The following TTLL7 variants were observed in gnomAD, a reference collection of about 807,000 sequenced individuals.
TTLL7 encodes tubulin tyrosine ligase like 7.
Under a neutral mutation model 120.2 loss-of-function variants are expected in TTLL7, and 53 were observed. The observed-to-expected ratio is 0.44, with a 90% CI of 0.35 to 0.55. The LOEUF (loss-of-function observed/expected upper bound fraction) is 0.55. Ranked by LOEUF, TTLL7 falls within the 20% of genes least tolerant of loss-of-function variation. The pLI, the probability that TTLL7 is intolerant of heterozygous loss-of-function variation, is 0.00. For missense variants in TTLL7, 803 were observed against 1,054.7 expected, an observed-to-expected ratio of 0.76 and a Z score of 3.31; for synonymous variants, 353 against 351.7, an observed-to-expected ratio of 1.00 and a Z score of -0.04.
chr1:83,881,760 A>G (rs1250316426), intron 20 of TTLL7, among the ~76,000 whole-genome samples: 1 of 151,252 alleles, frequency 6.6e-6, no homozygotes, highest in East Asian at 1.9e-4. Flanking sequence ...AGGACTATAA[A>G]TCATGCTGCT....
chr1:83,871,412 T>C (rs1478961613), intron 20 of TTLL7, among the ~76,000 whole-genome samples: 1 of 152,084 alleles, frequency 6.6e-6, no homozygotes, highest in Non-Finnish European at 1.5e-5. Context: ...CATAAACAAA[T>C]GCAAACAACA....
At chr1:83,963,310 C>T (rs1650171293) in intron 1 of TTLL7, among the ~76,000 whole-genome samples, 1 of 152,062 alleles carries the variant, frequency 6.6e-6, no homozygotes, top group African/African-American at 2.4e-5. Flanking sequence ...TGGAAGAAGA[C>T]AGGTTCTTTT....
intron 1 of TTLL7, among the ~76,000 whole-genome samples, chr1:83,995,797 C>T (rs768538175): frequency 3.3e-5 from 5 of 151,988 alleles, no homozygotes; most frequent in African/African-American, 4.8e-5. Flanking sequence ...AAAAAGCATA[C>T]GCACAAAGAT....
chr1:83,894,186 G>A (rs1179661119), intron 18 of TTLL7, among the ~76,000 whole-genome samples: 3 of 151,640 alleles, frequency 2.0e-5, no homozygotes, highest in Non-Finnish European at 4.4e-5. Flanking sequence ...CAATATATTA[G>A]TAAGTAATAA....
intron 1 of TTLL7, among the ~76,000 whole-genome samples, chr1:83,977,798 A>C (rs1651626334): frequency 6.6e-6 from 1 of 152,228 alleles, no homozygotes; most frequent in Admixed American, 6.5e-5. Flanking sequence ...GGGGTAGTGT[A>C]AAAGCAATAA....
chr1:83,919,638 C>T (rs1658478738), intron 13 of TTLL7, 61 bp downstream of exon 13: 7 of 1,443,326 alleles, frequency 4.8e-6, no homozygotes, highest in Non-Finnish European at 6.5e-6. Context: ...GGTGGCTTGT[C>T]TGTAAAGACA....
intron 6 of TTLL7, among the ~76,000 whole-genome samples, chr1:83,944,517 G>A (rs1226785172): frequency 6.6e-6 from 1 of 152,052 alleles, no homozygotes; most frequent in Non-Finnish European, 1.5e-5. Context: ...GATCAGCCTG[G>A]CCAACATGGA....
chr1:83,992,390 TA>T (rs989961164), intron 1 of TTLL7, among the ~76,000 whole-genome samples: 11 of 151,910 alleles, frequency 7.2e-5, no homozygotes, highest in South Asian at 4.2e-4. Context: ...CAGATTAGTT[TA>T]AAAAAAATTC....
At chr1:83,941,815 CA>C (rs778905470) in intron 7 of TTLL7, among the ~76,000 whole-genome samples, 38 of 151,628 alleles carry the variant, frequency 2.5e-4, no homozygotes, top group African/African-American at 9.0e-4. Flanking sequence ...TATGGCTGCA[CA>C]AAAAAAGTCT....
chr1:83,952,064 G>C, intron 2 of TTLL7, 88 bp from the exon 3 acceptor site: 1 of 1,509,326 alleles, frequency 6.6e-7, no homozygotes, highest in African/African-American at 1.4e-5. Flanking sequence ...CCACACCAAG[G>C]TAAAATTACA....
chr1:83,911,301 G>C lies in TTLL7; in HGVS notation c.1650C>G (p.Asp550Glu). ...AGCTGCTGCTACTATCATAACTGCT[G>C]TCACTGCTGCAGTACTTTGGTCTTT... ...IMKRPKYCSS[D>E]SSYDSSSSSS... The change falls in exon 15 of 21, where the codon GAC becomes GAG. Residue 550 changes from aspartate (D) to glutamate (E), a missense_variant. Coordinates refer to ENST00000260505, the MANE Select transcript of TTLL7 (RefSeq NM_024686.6). The C allele has an allele frequency of 4.3e-6, 7 of 1,613,654 alleles. No homozygotes were observed. Among genetic ancestry groups the C allele is most frequent in the Non-Finnish European group, 5.9e-6 (7 of 1,179,786 alleles).
At chr1:83,928,398 C>T (rs946396957) in intron 10 of TTLL7, among the ~76,000 whole-genome samples, 1 of 152,128 alleles carries the variant, frequency 6.6e-6, no homozygotes, top group Non-Finnish European at 1.5e-5. Flanking sequence ...TTTCTAATGA[C>T]AGGTAACTCA....
At chr1:83,903,727 C>A (rs533016405) in intron 18 of TTLL7, among the ~76,000 whole-genome samples, 2 of 152,080 alleles carry the variant, frequency 1.3e-5, no homozygotes, top group South Asian at 4.2e-4. Flanking sequence ...ACAGACACAG[C>A]CATCCTTTTT....
chr1:83,951,176 C>G (rs1649006979), intron 3 of TTLL7, among the ~76,000 whole-genome samples: 1 of 152,006 alleles, frequency 6.6e-6, no homozygotes, highest in South Asian at 2.1e-4. Context: ...AGTGAAACCC[C>G]GTCCCTACTA....
intron 8 of TTLL7, 112 bp from the exon 9 acceptor site, chr1:83,933,878 G>C: frequency 1.0e-6 from 1 of 966,958 alleles, no homozygotes; most frequent in South Asian, 1.6e-5. Context: ...AAGCTCTGTG[G>C]CATCTAGCCC....
At chr1:83,895,028 T>A (rs992139006) in intron 18 of TTLL7, among the ~76,000 whole-genome samples, 7 of 152,102 alleles carry the variant, frequency 4.6e-5, no homozygotes, top group African/African-American at 1.4e-4. Flanking sequence ...TCTTCTCCTA[T>A]CTCTTCATCT....
In TTLL7 at chr1:83,868,106, G is replaced by A. The variant is rs1653039725; in HGVS notation, c.*1856C>T. ...TCAGCCTAAAAAAGGCTCAGAAGAT[G>A]GCTTGAAAAGCAAAATACATCTAAC... is the stretch of plus-strand genomic sequence containing the variant. On this transcript the variant is annotated 3_prime_UTR_variant, in exon 21 of 21. Coordinates refer to ENST00000260505, the MANE Select transcript of TTLL7 (RefSeq NM_024686.6). 1 of 152,160 alleles carries A rather than the reference G, an allele frequency of 6.6e-6. No homozygotes were observed. Among genetic ancestry groups the A allele is most frequent in the African/African-American group, 2.4e-5 (1 of 41,456 alleles). The allele number at this position is 152,160 out of a possible 1,614,324, so 9.4% of individuals were successfully genotyped here.
At chr1:83,932,705 C>T (rs142641982) in intron 9 of TTLL7, among the ~76,000 whole-genome samples, 50 of 152,236 alleles carry the variant, frequency 3.3e-4, no homozygotes, top group African/African-American at 1.1e-3. Context: ...CACACAACTT[C>T]TAACTTATAA....
chr1:83,921,051 T>C, intron 12 of TTLL7, 36 bp downstream of exon 12: 1 of 1,572,562 alleles, frequency 6.4e-7, no homozygotes, highest in Non-Finnish European at 8.6e-7. Context: ...TGATACTTCA[T>C]TTTTTCAATC....
Sources: gnomAD v4.1 joint callset for allele counts (sites outside exome capture counted in the v4.1 genomes callset) on GRCh38, gnomAD v4.1.1 for gene constraint, MANE v1.5 for transcripts, NCBI Gene and HGNC (gene_info 2026-07-23, HGNC 2026-07-21) for gene names.